LUZP1: variants seen among roughly 807,000 people sequenced by gnomAD.
The protein encoded by LUZP1 is filamin mechanobinding actin cross-linking protein.
LUZP1 carries 25 observed loss-of-function variants against 71.3 expected under a neutral mutation model. The ratio of observed to expected loss-of-function variants is 0.35; its 90% CI spans 0.26 to 0.49. LUZP1 has a LOEUF of 0.49. LUZP1 is among the 20% of genes least tolerant of loss of function. The pLI is 0.99. For missense variants in LUZP1, 1,142 were observed against 1,300.8 expected, an observed-to-expected ratio of 0.88 and a Z score of 1.88; for synonymous variants, 481 against 506.4, an observed-to-expected ratio of 0.95 and a Z score of 0.67.
exon 4 of LUZP1, chr1:23,091,876 T>C (rs777431769): frequency 1.3e-5 from 21 of 1,614,090 alleles, no homozygotes; most frequent in African/African-American, 6.7e-5. Context: ...TATATAGTAA[T>C]GCTACTTGTC....
At chr1:23,136,017 C>T (rs573490336) in intron 2 of LUZP1, among the ~76,000 whole-genome samples, 1 of 152,134 alleles carries the variant, frequency 6.6e-6, no homozygotes, top group South Asian at 2.1e-4. Flanking sequence ...TACAACCTGA[C>T]CCAGAAACAT....
At chr1:23,141,307 A>G (rs1036874574) in intron 2 of LUZP1, among the ~76,000 whole-genome samples, 1 of 152,266 alleles carries the variant, frequency 6.6e-6, no homozygotes, top group East Asian at 1.9e-4. Flanking sequence ...GGGAGACAAA[A>G]AGCCTTGGGC....
intron 1 of LUZP1, chr1:23,169,152 A>T (rs1434455996): frequency 6.6e-6 from 1 of 152,232 alleles, no homozygotes; most frequent in Non-Finnish European, 1.5e-5. Context: ...TAAACTCAGA[A>T]GTTCGAGACC....
At chr1:23,177,790 C>A (rs1017151438) in exon 1 of LUZP1, 5 of 152,282 alleles carry the variant, frequency 3.3e-5, no homozygotes, top group African/African-American at 1.2e-4. Flanking sequence ...GGGAAGCCGC[C>A]GGTGCCGGGC....
chr1:23,152,941 T>G (rs1046158943), intron 2 of LUZP1, among the ~76,000 whole-genome samples: 1 of 152,140 alleles, frequency 6.6e-6, no homozygotes, highest in African/African-American at 2.4e-5. Flanking sequence ...TATATTCCTT[T>G]TTCTTCCCAT....
At chr1:23,095,523 G>A (rs1027969481) in intron 3 of LUZP1, among the ~76,000 whole-genome samples, 4 of 152,156 alleles carry the variant, frequency 2.6e-5, no homozygotes, top group Non-Finnish European at 5.9e-5. Flanking sequence ...GGGTCTTGCC[G>A]ATCTCCAGAA....
intron 3 of LUZP1, among the ~76,000 whole-genome samples, chr1:23,108,721 C>T (rs1468854232): frequency 6.6e-6 from 1 of 152,202 alleles, no homozygotes; most frequent in Non-Finnish European, 1.5e-5. Flanking sequence ...CAGTACTTAC[C>T]TCACAGGGTT....
rs977722884 is a variant in LUZP1 at position 23,092,149 on chromosome 1, A to G, written c.2113T>C (p.Phe705Leu). 7 of 1,614,078 alleles carry G rather than the reference A, an allele frequency of 4.3e-6. No homozygotes were observed. The highest frequency in any genetic ancestry group is 5.1e-6 in the Non-Finnish European group (6 of 1,179,996). ...ATTCCAGCATCTTTATCATTCTCAA[A>G]TAGGGAGGTTCTAGGTGCCCCTCGG... The change falls in exon 4 of 5, where the codon TTT (phenylalanine) becomes CTT (leucine). Residue 705 changes from phenylalanine (F) to leucine (L), a missense_variant. Physicochemically the swap from Phe to Leu is conservative, Grantham distance 22. Coordinates refer to ENST00000302291, the Ensembl canonical transcript of LUZP1.
chr1:23,094,513 T>C lies in LUZP1; in HGVS notation c.-119-133A>G. On this transcript the variant is annotated intron_variant, in intron 3 of 4. Coordinates refer to ENST00000302291, the Ensembl canonical transcript of LUZP1. The surrounding 1 kb of genome is among the most constrained non-coding windows in gnomAD (Gnocchi z 4.7). ...CAGGGGCTCAAACCTGTTGAATGAA[T>C]GACTTGAATAAACCTGCAAGAAAAC... The C allele has an allele frequency of 2.2e-6, 1 of 450,052 alleles. No homozygotes were observed. Among genetic ancestry groups the C allele is most frequent in the Non-Finnish European group, 3.5e-6 (1 of 281,756 alleles). 27.9% of individuals were successfully genotyped at this position (450,052 alleles called of 1,614,324 possible). A position where few individuals can be genotyped will look rare whatever the true frequency, so the allele number is the denominator to read the frequency against.
chr1:23,171,105 T>A (rs1040974016), intron 1 of LUZP1, among the ~76,000 whole-genome samples: 13 of 145,558 alleles, frequency 8.9e-5, no homozygotes, highest in African/African-American at 3.0e-4. Context: ...AAAAAATATA[T>A]ATATATATAT....
exon 4 of LUZP1, chr1:23,091,952 T>G (rs1182054817): frequency 6.2e-7 from 1 of 1,614,174 alleles, no homozygotes; most frequent in Non-Finnish European, 8.5e-7. Flanking sequence ...TTCCAGATCC[T>G]CCCATGATTT....
intron 2 of LUZP1, among the ~76,000 whole-genome samples, chr1:23,124,938 T>TAA (rs976475133): frequency 6.6e-6 from 1 of 151,976 alleles, no homozygotes; most frequent in East Asian, 1.9e-4. Flanking sequence ...GCCATGACAG[T>TAA]AAAAAAAAGG....
chr1:23,117,478 C>CTCTCTCTCT (rs35662791), intron 2 of LUZP1, among the ~76,000 whole-genome samples: 354 of 17,348 alleles, frequency 0.02, no homozygotes, highest in Non-Finnish European at 0.025. Context: ...TCTCTCTCTC[C>CTCTCTCTCT]CCCCCCCCCC....
At chr1:23,103,931 G>A (rs1643958117) in intron 3 of LUZP1, among the ~76,000 whole-genome samples, 1 of 126,622 alleles carries the variant, frequency 7.9e-6, no homozygotes, top group Non-Finnish European at 1.6e-5. Context: ...GGGGGGGAAG[G>A]AGGGAGGGAG....
At chr1:23,154,919 T>C (rs1251952576) in intron 2 of LUZP1, among the ~76,000 whole-genome samples, 2 of 152,078 alleles carry the variant, frequency 1.3e-5, no homozygotes, top group East Asian at 3.9e-4. Context: ...CCCATCTATT[T>C]TTCCATCACA....
chr1:23,164,291 C>T (rs1162405186), intron 2 of LUZP1, among the ~76,000 whole-genome samples: 2 of 152,110 alleles, frequency 1.3e-5, no homozygotes, highest in African/African-American at 4.8e-5. Flanking sequence ...GTCAGGAGAT[C>T]GAGACCATCC....
intron 2 of LUZP1, among the ~76,000 whole-genome samples, chr1:23,128,232 C>T (rs1357126309): frequency 6.6e-6 from 1 of 151,032 alleles, no homozygotes; most frequent in Non-Finnish European, 1.5e-5. Flanking sequence ...AAAAAACAAA[C>T]TGGGTTTATT....
chr1:23,117,717 T>G (rs1295552847), intron 2 of LUZP1, among the ~76,000 whole-genome samples: 1 of 152,110 alleles, frequency 6.6e-6, no homozygotes, highest in Non-Finnish European at 1.5e-5. Context: ...AGTTCCTTCT[T>G]GTAGCTATAA....
intron 2 of LUZP1, among the ~76,000 whole-genome samples, chr1:23,110,917 C>T (rs1235618166): frequency 2.0e-5 from 3 of 151,940 alleles, no homozygotes; most frequent in Non-Finnish European, 4.4e-5. Flanking sequence ...CTGATAGTAT[C>T]GGCCAGGCAC....
Sources: gnomAD v4.1 joint callset for allele counts (sites outside exome capture counted in the v4.1 genomes callset) on GRCh38, gnomAD v4.1.1 for gene constraint, Gnocchi (gnomAD v3.1) non-coding constraint, MANE v1.5 for transcripts, NCBI Gene and HGNC (gene_info 2026-07-23, HGNC 2026-07-21) for gene names.